Variants in RABGAP1 observed in about 807,000 individuals in gnomAD.
The protein encoded by RABGAP1 is rab GTPase-activating protein 1.
A neutral mutation model predicts 137.6 loss-of-function variants in RABGAP1; 23 were observed. The observed-to-expected ratio is 0.17, with a 90% CI of 0.12 to 0.24. The LOEUF (loss-of-function observed/expected upper bound fraction) is 0.24, where lower values mean the gene tolerates loss of function less well. Among genes scored for constraint, RABGAP1 ranks in the 10% least tolerant of loss-of-function variants. The probability of loss-of-function intolerance (pLI) is 1.00; values close to 1 mark genes in which losing one functional copy is unlikely to be tolerated. For synonymous variants in RABGAP1, 451 were observed against 450.7 expected (o/e 1.00, Z -0.01); for missense variants, 906 against 1,275.8 (o/e 0.71, Z 4.42).
At chr9:122,940,259 C>T (rs1489453220), upstream of RABGAP1, 1 of 152,178 alleles carries the variant, frequency 6.6e-6, no homozygotes, top group Non-Finnish European at 1.5e-5. Context: ...CTTTAAACTT[C>T]ATTATATTGC....
intron 16 of RABGAP1, 51 bp downstream of exon 16, chr9:123,073,728 A>AGC: frequency 6.2e-7 from 1 of 1,601,780 alleles, no homozygotes; most frequent in South Asian, 1.1e-5. Flanking sequence ...AGGACTAAGG[A>AGC]GCACCAAATT....
intron 1 of RABGAP1, among the ~76,000 whole-genome samples, chr9:122,950,135 G>A (rs894191525): frequency 2.4e-4 from 36 of 152,256 alleles, no homozygotes; most frequent in African/African-American, 8.2e-4. Flanking sequence ...TCAGATCTAA[G>A]TTTTAGAAAT....
chr9:123,076,269 G>A lies in RABGAP1; in HGVS notation c.2278G>A (p.Ala760Thr), dbSNP rs377466175. 2 of 1,609,800 alleles carry A rather than the reference G, an allele frequency of 1.2e-6. No individual in the cohort carries two copies. Among genetic ancestry groups the A allele is most frequent in the South Asian group, 1.1e-5 (1 of 90,314 alleles). Residue 760 changes from alanine (A) to threonine (T), a missense_variant, in exon 18 of 26, where the codon GCC becomes ACC. This residue lies in a region of RABGAP1 where 19 missense variants were observed against 63.0 expected (regional missense o/e 0.30). Coordinates refer to ENST00000373647, the MANE Select transcript of RABGAP1 (RefSeq NM_012197.4). ...GGGAATAAGTGTTATTTTTAATGTC[G>A]CCCTTGGATTATTAAAGGTACTCAT... ...CEGISVIFNVALGLLKTSKDD... is the reference protein window; with the variant it reads ...CEGISVIFNVTLGLLKTSKDD...
In RABGAP1 at chr9:123,034,715, T is replaced by C; in HGVS notation, c.1794+14256T>C. 6.2e-7 allele frequency: 1 copy of C among 1,613,810 alleles called. No individual in the cohort carries two copies. Among genetic ancestry groups the C allele is most frequent in the Non-Finnish European group, 8.5e-7 (1 of 1,179,676 alleles). ...ATTATTTCTGGCAACATCATTGTGA[T>C]TTTTGTATTTCACTGTGCACCTTTG... On this transcript the variant is annotated intron_variant, in intron 13 of 25. Transcript: ENST00000373647.
intron 1 of RABGAP1, among the ~76,000 whole-genome samples, chr9:122,951,009 G>A (rs770545558): frequency 6.6e-6 from 1 of 152,154 alleles, no homozygotes; most frequent in Non-Finnish European, 1.5e-5. Flanking sequence ...AATTCTTTGG[G>A]TTGTGAAATT....
At chr9:122,932,625 G>A in the RABGAP1 span, among the ~76,000 whole-genome samples, 1 of 151,984 alleles carries the variant, frequency 6.6e-6, no homozygotes, top group Non-Finnish European at 1.5e-5. Flanking sequence ...CGCCTCCTGG[G>A]TTCAAGCGGT....
At chr9:123,030,515 A>G (rs1255236084) in intron 13 of RABGAP1, among the ~76,000 whole-genome samples, 2 of 152,206 alleles carry the variant, frequency 1.3e-5, no homozygotes, top group Admixed American at 1.3e-4. Context: ...GAGAGAATAT[A>G]TCATGAGACT....
At chr9:123,006,336 T>C (rs1351452605) in intron 10 of RABGAP1, among the ~76,000 whole-genome samples, 1 of 152,222 alleles carries the variant, frequency 6.6e-6, no homozygotes, top group Non-Finnish European at 1.5e-5. Flanking sequence ...ATTTTACTCT[T>C]TTAGATTTCT....
chr9:122,947,881 C>G (rs989841705), intron 1 of RABGAP1, among the ~76,000 whole-genome samples: 3 of 152,126 alleles, frequency 2.0e-5, no homozygotes, highest in African/African-American at 7.2e-5. Context: ...ACAAAGACAT[C>G]TATTGTTTAG....
intron 2 of RABGAP1, among the ~76,000 whole-genome samples, chr9:122,969,307 A>G (rs1392964746): frequency 6.6e-6 from 1 of 152,222 alleles, no homozygotes; most frequent in African/African-American, 2.4e-5. Context: ...ACACTCTATG[A>G]TGTTCATACA....
chr9:122,984,835 A>C, intron 3 of RABGAP1, 116 bp downstream of exon 3: 7 of 886,308 alleles, frequency 7.9e-6, no homozygotes, highest in Non-Finnish European at 1.2e-5. Context: ...AAAAACAGGC[A>C]AAAACATTCT....
intron 13 of RABGAP1, among the ~76,000 whole-genome samples, chr9:123,044,090 A>T (rs1220922264): frequency 6.6e-6 from 1 of 151,634 alleles, no homozygotes. Context: ...TTTTTAGTAG[A>T]GACGGGGTTT....
rs11331973 is a variant in RABGAP1 at position 122,974,415 on chromosome 9, C to CTTTTTTTTT, written c.151-10052_151-10044dup. Among the ~76,000 whole-genome samples the CTTTTTTTTT allele has an allele frequency of 8.8e-4, 51 of 58,220 alleles. 1 individual carries two copies. Among genetic ancestry groups the CTTTTTTTTT allele is most frequent in the East Asian group, 1.2e-3 (2 of 1,666 alleles). The allele number at this position is 58,220 out of a possible 152,430, so 38.2% of individuals were successfully genotyped here. A position where few individuals can be genotyped will look rare whatever the true frequency, so the allele number is the denominator to read the frequency against. On this transcript the variant is annotated intron_variant, in intron 2 of 25. Coordinates refer to ENST00000373647, the MANE Select transcript of RABGAP1 (RefSeq NM_012197.4). Reference sequence around the variant, plus strand: ...CCTCCCAAGATGGAAATGGCTTTGTCTTTTTTTTTTTTTTTTTTTTTTTTT... The same window carrying CTTTTTTTTT: ...CCTCCCAAGATGGAAATGGCTTTGTCTTTTTTTTTTTTTTTTTTTTTTTTTTTTTTTTTT...
chr9:122,976,312 C>G (rs746770907), intron 2 of RABGAP1, among the ~76,000 whole-genome samples: 52 of 152,076 alleles, frequency 3.4e-4, no homozygotes, highest in Non-Finnish European at 4.6e-4. Flanking sequence ...CTTAGTTGTA[C>G]TATTCATAAA....
chr9:123,021,129 C>A (rs545897765), intron 13 of RABGAP1, among the ~76,000 whole-genome samples: 2 of 151,952 alleles, frequency 1.3e-5, no homozygotes, highest in Admixed American at 6.6e-5. Context: ...GCAGTTTCTC[C>A]AATAGTATGC....
chr9:123,019,387 G>A (rs1272977754), intron 12 of RABGAP1, among the ~76,000 whole-genome samples: 2 of 151,776 alleles, frequency 1.3e-5, no homozygotes, highest in Non-Finnish European at 2.9e-5. Flanking sequence ...GTGCAGTGGT[G>A]CGGTCTCTCA....
intron 13 of RABGAP1, chr9:123,034,823 C>A (rs1430622692): frequency 1.2e-6 from 2 of 1,613,902 alleles, no homozygotes; most frequent in African/African-American, 1.3e-5. Flanking sequence ...GTGGTCCCTT[C>A]TTTATCACTC....
intron 13 of RABGAP1, among the ~76,000 whole-genome samples, chr9:123,057,099 G>T (rs1374911703): frequency 1.3e-5 from 2 of 150,126 alleles, no homozygotes; most frequent in South Asian, 2.1e-4. Context: ...CTGGCCGGGC[G>T]GGGGGCTGAC....
At chr9:122,963,341 T>G (rs1447978899) in intron 2 of RABGAP1, among the ~76,000 whole-genome samples, 1 of 152,226 alleles carries the variant, frequency 6.6e-6, no homozygotes, top group African/African-American at 2.4e-5. Flanking sequence ...TAAATGACAC[T>G]GTTGACCAAC....
Sources: allele counts gnomAD v4.1 joint callset (sites outside exome capture counted in the v4.1 genomes callset), GRCh38; gene constraint gnomAD v4.1.1; regional missense constraint gnomAD v4.1.1; transcripts MANE v1.5; gene names NCBI Gene and HGNC (gene_info 2026-07-23, HGNC 2026-07-21).